Variants in CTNNA2 observed in about 807,000 individuals in gnomAD.
The protein encoded by CTNNA2 is catenin alpha-2.
In CTNNA2, 42 loss-of-function variants were observed where a neutral mutation model predicts 101.0. The ratio of observed to expected loss-of-function variants is 0.42; its 90% CI spans 0.32 to 0.54. The LOEUF (loss-of-function observed/expected upper bound fraction) is 0.54. CTNNA2 is among the 20% of genes least tolerant of loss of function. CTNNA2 has a pLI of 0.14. For synonymous variants in CTNNA2, 450 were observed against 456.4 expected (o/e 0.99, Z 0.18); for missense variants, 871 against 1,223.1 (o/e 0.71, Z 4.29).
intron 4 of CTNNA2, among the ~76,000 whole-genome samples, chr2:79,472,841 G>A (rs1242357015): frequency 6.6e-6 from 1 of 152,082 alleles, no homozygotes; most frequent in East Asian, 1.9e-4. Flanking sequence ...TAGGAACTGA[G>A]CAACCTTCAA....
intron 2 of CTNNA2, among the ~76,000 whole-genome samples, chr2:79,214,543 G>A (rs1458788606): frequency 4.6e-5 from 7 of 152,214 alleles, no homozygotes; most frequent in South Asian, 2.1e-4. Context: ...CTTTTAAAGC[G>A]TGCTATGGGA....
intron 2 of CTNNA2, among the ~76,000 whole-genome samples, chr2:79,282,564 A>G (rs1675423399): frequency 6.7e-6 from 1 of 149,986 alleles, no homozygotes; most frequent in South Asian, 2.2e-4. Flanking sequence ...AATTTCATCC[A>G]TGTCCCTACA....
intron 12 of CTNNA2, among the ~76,000 whole-genome samples, chr2:80,560,199 A>T (rs1350744633): frequency 6.6e-6 from 1 of 152,108 alleles, no homozygotes; most frequent in East Asian, 1.9e-4. Flanking sequence ...ATGCTCTATA[A>T]CCTAAAGTTT....
Position 79,554,250 on chromosome 2 carries a change from A to G in CTNNA2, c.-6+41043A>G, listed in dbSNP as rs116100731. 5.9e-3 allele frequency among the ~76,000 whole-genome samples: 895 copies of G among 152,218 alleles called. 10 individuals carry two copies. Among genetic ancestry groups the G allele is most frequent in the African/African-American group, 0.02 (839 of 41,522 alleles). ...CAAATCTGTATTTGAAAGACTCAGA[A>G]TACATGTTGGAACTGATACGATAGC... is the stretch of plus-strand genomic sequence containing the variant. On this transcript the variant is annotated intron_variant, in intron 1 of 18. Transcript: ENST00000402739.
At chr2:80,382,308 A>G (rs1173074959) in intron 7 of CTNNA2, among the ~76,000 whole-genome samples, 1 of 152,154 alleles carries the variant, frequency 6.6e-6, no homozygotes, top group African/African-American at 2.4e-5. Context: ...TTTCAAGGAA[A>G]TGTAATGGTC....
At chr2:79,729,545 T>C (rs2104911467) in intron 2 of CTNNA2, among the ~76,000 whole-genome samples, 1 of 152,302 alleles carries the variant, frequency 6.6e-6, no homozygotes, top group South Asian at 2.1e-4. Context: ...TCAGAAATGC[T>C]AATACCAGTT....
chr2:79,349,623 G>T (rs891995822), intron 3 of CTNNA2, among the ~76,000 whole-genome samples: 36 of 152,138 alleles, frequency 2.4e-4, no homozygotes, highest in African/African-American at 8.2e-4. Context: ...TTACAATGTA[G>T]TTATAGTATA....
At chr2:79,355,078 G>C (rs943360692) in intron 3 of CTNNA2, among the ~76,000 whole-genome samples, 1 of 152,014 alleles carries the variant, frequency 6.6e-6, no homozygotes, top group Non-Finnish European at 1.5e-5. Flanking sequence ...ATCCTGCTCT[G>C]TTAATCTATG....
intron 7 of CTNNA2, among the ~76,000 whole-genome samples, chr2:80,266,559 C>T (rs188661625): frequency 6.6e-6 from 1 of 152,220 alleles, no homozygotes; most frequent in Non-Finnish European, 1.5e-5. Flanking sequence ...ATGCCCTCTT[C>T]TTCCATGGAG....
intron 9 of CTNNA2, among the ~76,000 whole-genome samples, chr2:80,493,317 G>A (rs552669684): frequency 6.6e-5 from 10 of 152,314 alleles, no homozygotes; most frequent in African/African-American, 1.7e-4. Context: ...CATTTTCTAA[G>A]TGCAAATGTT....
At chr2:80,163,925 TCTG>T (rs1704497277) in intron 7 of CTNNA2, among the ~76,000 whole-genome samples, 1 of 151,676 alleles carries the variant, frequency 6.6e-6, no homozygotes, top group Non-Finnish European at 1.5e-5. Context: ...TATAGCCAAT[TCTG>T]CTTTTTTTCA....
chr2:79,409,526 A>G (rs934621153), intron 4 of CTNNA2, among the ~76,000 whole-genome samples: 3 of 151,550 alleles, frequency 2.0e-5, no homozygotes, highest in Non-Finnish European at 3.0e-5. Context: ...ATGGCTAGCC[A>G]GTTTTCCCAG....
chr2:80,099,514 T>C (rs1399982205), intron 7 of CTNNA2, among the ~76,000 whole-genome samples: 1 of 152,152 alleles, frequency 6.6e-6, no homozygotes, highest in African/African-American at 2.4e-5. Flanking sequence ...TGGAGATGAA[T>C]TTACTTGGGA....
intron 7 of CTNNA2, among the ~76,000 whole-genome samples, chr2:80,271,684 A>T (rs1335115169): frequency 8.5e-5 from 13 of 152,068 alleles, no homozygotes; most frequent in Non-Finnish European, 1.5e-4. Flanking sequence ...GGCCTCCCAA[A>T]GTGCTGGGAT....
intron 7 of CTNNA2, among the ~76,000 whole-genome samples, chr2:80,248,551 T>C (rs146938652): frequency 3.5e-4 from 53 of 152,328 alleles, no homozygotes; most frequent in Admixed American, 7.2e-4. Context: ...ATCATAGTTA[T>C]TAAAAACAAA....
At chr2:80,507,008 G>A (rs1290549863) in intron 9 of CTNNA2, among the ~76,000 whole-genome samples, 1 of 152,114 alleles carries the variant, frequency 6.6e-6, no homozygotes, top group Non-Finnish European at 1.5e-5. Flanking sequence ...CATCTTAGGT[G>A]TTCAGTATAC....
intron 2 of CTNNA2, among the ~76,000 whole-genome samples, chr2:79,722,514 C>T (rs1006549666): frequency 6.6e-6 from 1 of 152,288 alleles, no homozygotes; most frequent in South Asian, 2.1e-4. Context: ...ACAGATCTCA[C>T]AGGATCTCTG....
At chr2:79,842,798 TCTA>T (rs1483382309) in intron 3 of CTNNA2, among the ~76,000 whole-genome samples, 1 of 152,164 alleles carries the variant, frequency 6.6e-6, no homozygotes, top group Non-Finnish European at 1.5e-5. Context: ...TTGCCTGGTA[TCTA>T]CTAAGTACAT....
intron 7 of CTNNA2, among the ~76,000 whole-genome samples, chr2:79,975,879 G>A (rs72813741): frequency 0.018 from 2,679 of 152,234 alleles, 26 homozygotes; most frequent in Non-Finnish European, 0.026. Context: ...GTTTTACTGG[G>A]AACTTCATTA....
Sources: gnomAD v4.1 joint callset for allele counts (sites outside exome capture counted in the v4.1 genomes callset) on GRCh38, gnomAD v4.1.1 for gene constraint, MANE v1.5 for transcripts, NCBI Gene and HGNC (gene_info 2026-07-23, HGNC 2026-07-21) for gene names.